Variants in EXOG observed in about 807,000 individuals in gnomAD.
The protein encoded by EXOG is nuclease EXOG, mitochondrial.
EXOG carries 27 observed loss-of-function variants against 25.8 expected under a neutral mutation model. The ratio of observed to expected loss-of-function variants is 1.05; its 90% CI spans 0.77 to 1.45. The LOEUF is 1.45. EXOG is among the 40% of genes most tolerant of loss of function. EXOG has a pLI of 0.00. For synonymous variants in EXOG, 133 were observed against 167.0 expected (o/e 0.80, Z 1.57); for missense variants, 458 against 450.5 (o/e 1.02, Z -0.15).
chr3:38,505,880 C>T (rs368448193), intron 4 of EXOG, among the ~76,000 whole-genome samples: 4 of 151,556 alleles, frequency 2.6e-5, no homozygotes, highest in African/African-American at 7.3e-5. Flanking sequence ...GCAGGAGAAT[C>T]GCTTAAACCC....
chr3:38,497,074 A>AC (rs1476815706), intron 1 of EXOG: 9 of 859,050 alleles, frequency 1.0e-5, no homozygotes, highest in South Asian at 5.0e-5. Context: ...CTTATATTTG[A>AC]CAAAAAAAAA....
intron 5 of EXOG, among the ~76,000 whole-genome samples, chr3:38,517,788 T>C (rs1458750392): frequency 6.6e-6 from 1 of 152,226 alleles, no homozygotes; most frequent in African/African-American, 2.4e-5. Context: ...AAGTTGAATA[T>C]TGACTTCACG....
chr3:38,522,908 G>T (rs2060764719), intron 5 of EXOG, among the ~76,000 whole-genome samples: 1 of 152,210 alleles, frequency 6.6e-6, no homozygotes, highest in Non-Finnish European at 1.5e-5. Context: ...CCTGACCCTG[G>T]CTCTGGCTTC....
At chr3:38,496,884 C>A in intron 1 of EXOG, 1 of 1,241,656 alleles carries the variant, frequency 8.1e-7, no homozygotes, top group Non-Finnish European at 1.1e-6. Flanking sequence ...CTGTTTTGGT[C>A]TCCATCATCT....
At chr3:38,520,011 G>T (rs1456169304) in intron 5 of EXOG, among the ~76,000 whole-genome samples, 1 of 152,028 alleles carries the variant, frequency 6.6e-6, no homozygotes, top group Non-Finnish European at 1.5e-5. Flanking sequence ...TTTTATTTTT[G>T]GAGTTTCTTT....
intron 5 of EXOG, chr3:38,515,582 C>A: frequency 5.4e-6 from 1 of 184,924 alleles, no homozygotes. Context: ...CTGCGGTTCT[C>A]CTCAGTGGTG....
chr3:38,512,686 C>T (rs993291754), intron 5 of EXOG, among the ~76,000 whole-genome samples: 2 of 152,086 alleles, frequency 1.3e-5, no homozygotes, highest in Admixed American at 6.6e-5. Context: ...TGTTTGCTAA[C>T]GATAATGTAG....
chr3:38,523,835 T>C (rs1253727080), intron 5 of EXOG, 66 bp from the exon 6 acceptor site: 1 of 1,160,108 alleles, frequency 8.6e-7, no homozygotes, highest in African/African-American at 1.5e-5. Context: ...AATAAGTATT[T>C]TTCAGAAAAA....
intron 5 of EXOG, among the ~76,000 whole-genome samples, chr3:38,508,721 C>A (rs5002837): frequency 4.8e-4 from 70 of 144,976 alleles, no homozygotes; most frequent in Non-Finnish European, 4.8e-4. Context: ...ACCCCCCCCC[C>A]AAAAAAAAAC....
chr3:38,512,790 T>C (rs2060412287), intron 5 of EXOG, among the ~76,000 whole-genome samples: 3 of 152,094 alleles, frequency 2.0e-5, no homozygotes, highest in Admixed American at 6.5e-5. Context: ...ATGGTATATA[T>C]ATATATATTT....
Position 38,526,161 on chromosome 3 carries a change from C to T in EXOG, c.*1799C>T, listed in dbSNP as rs1169507509. 1.7e-5 allele frequency: 17 copies of T among 985,102 alleles called. No individual in the cohort carries two copies. Among genetic ancestry groups the T allele is most frequent in the African/African-American group, 1.4e-4 (8 of 57,192 alleles). 61.0% of individuals were successfully genotyped at this position (985,102 alleles called of 1,614,324 possible). On this transcript the variant is annotated 3_prime_UTR_variant, in exon 6 of 6. Coordinates refer to ENST00000287675, the MANE Select transcript of EXOG (RefSeq NM_005107.4). ...ACTATCCTGAGTATTGTCAGTAAAA[C>T]GTCTTGGGGCATAAGAACTTGTCTG...
intron 5 of EXOG, among the ~76,000 whole-genome samples, chr3:38,522,930 G>A (rs189371683): frequency 6.6e-6 from 1 of 152,318 alleles, no homozygotes; most frequent in East Asian, 1.9e-4. Context: ...TCATTGTGTG[G>A]ATACCTTTCC....
chr3:38,522,598 G>A (rs986831860), intron 5 of EXOG, among the ~76,000 whole-genome samples: 10 of 152,126 alleles, frequency 6.6e-5, no homozygotes, highest in African/African-American at 2.4e-4. Context: ...TCCACCTCCC[G>A]GGTTCAAGTG....
At chr3:38,517,010 G>A (rs998983156) in intron 5 of EXOG, among the ~76,000 whole-genome samples, 2 of 152,186 alleles carry the variant, frequency 1.3e-5, no homozygotes, top group African/African-American at 4.8e-5. Context: ...TTAAGGTGGT[G>A]TCTACCAGGT....
At chr3:38,496,846 G>A in intron 1 of EXOG, 1 of 1,330,386 alleles carries the variant, frequency 7.5e-7, no homozygotes, top group South Asian at 1.2e-5. Flanking sequence ...TACTAAGATT[G>A]TTAGCTCCAT....
chr3:38,497,015 T>C (rs566779447), intron 1 of EXOG: 2 of 1,035,820 alleles, frequency 1.9e-6, no homozygotes, highest in South Asian at 3.1e-5. Flanking sequence ...AGTTGAAGAA[T>C]ACCTGCTATC....
intron 1 of EXOG, chr3:38,497,122 G>A: frequency 1.0e-6 from 1 of 1,003,992 alleles, no homozygotes; most frequent in Non-Finnish European, 1.2e-6. Context: ...GTACTTTGCG[G>A]ATGTGCTAAT....
Position 38,515,062 on chromosome 3 carries a change from GCA to G in EXOG, c.645+8096_645+8097del, listed in dbSNP as rs2060496243. On this transcript the variant is annotated intron_variant, in intron 5 of 5. Coordinates refer to ENST00000287675, the MANE Select transcript of EXOG (RefSeq NM_005107.4). ...GCTGGGATTACAGGCATGAGTCACT[GCA>G]CCTGGCTACCCTTTTTTATAGATAA... Among the ~76,000 whole-genome samples the G allele has an allele frequency of 3.3e-5, 5 of 152,244 alleles. No homozygotes were observed. The South Asian group carries it at 8.3e-4, about 25-fold the overall frequency.
intron 5 of EXOG, among the ~76,000 whole-genome samples, chr3:38,519,829 AG>A (rs533657447): frequency 1.3e-5 from 2 of 152,324 alleles, no homozygotes; most frequent in South Asian, 2.1e-4. Flanking sequence ...TAGATAACAC[AG>A]GGGGCGACCA....
Sources: gnomAD v4.1 joint callset for allele counts (sites outside exome capture counted in the v4.1 genomes callset) on GRCh38, gnomAD v4.1.1 for gene constraint, MANE v1.5 for transcripts, NCBI Gene and HGNC (gene_info 2026-07-23, HGNC 2026-07-21) for gene names.